ASAP3: variants seen among roughly 807,000 people sequenced by gnomAD.
ASAP3 encodes arf-GAP with SH3 domain, ANK repeat and PH domain-containing protein 3.
In ASAP3, 85 loss-of-function variants were observed where a neutral mutation model predicts 118.2. That is an observed-to-expected ratio of 0.72 (90% CI 0.60 to 0.86). The LOEUF (loss-of-function observed/expected upper bound fraction) is 0.86. Among genes scored for constraint, ASAP3 ranks in the 40% least tolerant of loss-of-function variants. The pLI is 0.00. For synonymous variants in ASAP3, 432 were observed against 477.4 expected (o/e 0.90, Z 1.24); for missense variants, 1,026 against 1,175.0 (o/e 0.87, Z 1.85).
chr1:23,447,548 C>G (rs1641088605), intron 5 of ASAP3, among the ~76,000 whole-genome samples: 1 of 152,098 alleles, frequency 6.6e-6, no homozygotes. Context: ...TAAGGGGGAA[C>G]CACTGTAATG....
At chr1:23,447,160 A>AC in intron 5 of ASAP3, among the ~76,000 whole-genome samples, 1 of 152,206 alleles carries the variant, frequency 6.6e-6, no homozygotes, top group Non-Finnish European at 1.5e-5. Flanking sequence ...CAGGCCTTGG[A>AC]CCTGTACCAG....
intron 22 of ASAP3, 103 bp downstream of exon 22, chr1:23,432,974 T>A: frequency 7.5e-7 from 1 of 1,337,034 alleles, no homozygotes; most frequent in East Asian, 2.4e-5. Context: ...GAGGTCATCA[T>A]AAGGATAGTA....
intron 5 of ASAP3, among the ~76,000 whole-genome samples, chr1:23,446,899 G>A (rs1641063184): frequency 6.6e-6 from 1 of 152,062 alleles, no homozygotes; most frequent in African/African-American, 2.4e-5. Flanking sequence ...TGGTTTCATG[G>A]AAGACAATAT....
intron 1 of ASAP3, among the ~76,000 whole-genome samples, chr1:23,478,003 A>C (rs1025598292): frequency 6.6e-6 from 1 of 152,172 alleles, no homozygotes; most frequent in Non-Finnish European, 1.5e-5. Flanking sequence ...CCTGGCATGG[A>C]GCAGTCCCCC....
intron 7 of ASAP3, 77 bp from the exon 8 acceptor site, chr1:23,441,807 C>T: frequency 6.6e-7 from 1 of 1,508,328 alleles, no homozygotes; most frequent in Non-Finnish European, 9.2e-7. Context: ...GTGGGAGAAG[C>T]TGCCGTAAGG....
chr1:23,483,839 G>A (rs769989394), intron 1 of ASAP3, among the ~76,000 whole-genome samples, 166 bp downstream of exon 1: 3 of 152,154 alleles, frequency 2.0e-5, no homozygotes, highest in East Asian at 1.9e-4. Context: ...CCGCCTCGAC[G>A]GTGAGGACGC....
At chr1:23,439,032 C>T (rs761734145) in intron 11 of ASAP3, 129 bp downstream of exon 11, 32 of 1,240,626 alleles carry the variant, frequency 2.6e-5, no homozygotes, top group Middle Eastern at 2.1e-4. Flanking sequence ...TCCTCCCAAA[C>T]GGGTCTCCAG....
intron 1 of ASAP3, among the ~76,000 whole-genome samples, chr1:23,481,014 C>G (rs1642288445): frequency 6.6e-6 from 1 of 152,158 alleles, no homozygotes; most frequent in Non-Finnish European, 1.5e-5. Context: ...GGAGGACAGA[C>G]AGATGGACTT....
intron 1 of ASAP3, among the ~76,000 whole-genome samples, chr1:23,466,006 G>A (rs1443680651): frequency 6.6e-6 from 1 of 152,210 alleles, no homozygotes; most frequent in Non-Finnish European, 1.5e-5. Flanking sequence ...GCAGGGCACA[G>A]AGGGAGATCT....
Position 23,437,587 on chromosome 1 carries a change from G to C in ASAP3, c.1103-115C>G, listed in dbSNP as rs542922445. On this transcript the variant is annotated intron_variant, in intron 12 of 24. Transcript: ENST00000336689. The surrounding 1 kb of genome is among the most constrained non-coding windows in gnomAD (Gnocchi z 6.1). ...CATGGAGATGTGTCCCTGACAAGTC[G>C]GACTCTCAAGCTAGGAGTGGGAAGG... 9 of 1,296,282 alleles carry C rather than the reference G, an allele frequency of 6.9e-6. No individual in the cohort carries two copies. The African/African-American group carries it at 1.3e-4, about 19-fold the overall frequency. 80.3% of individuals were successfully genotyped at this position (1,296,282 alleles called of 1,614,324 possible).
chr1:23,442,753 C>T (rs1483638285), intron 5 of ASAP3, 141 bp from the exon 6 acceptor site: 6 of 1,293,732 alleles, frequency 4.6e-6, no homozygotes, highest in African/African-American at 3.0e-5. Flanking sequence ...GTACAATGAA[C>T]AAGACAGTTT....
intron 1 of ASAP3, among the ~76,000 whole-genome samples, chr1:23,481,686 T>A (rs779095180): frequency 6.6e-6 from 1 of 152,242 alleles, no homozygotes; most frequent in Non-Finnish European, 1.5e-5. Context: ...GAGCCTGCTG[T>A]GGCCTCCAGA....
chr1:23,435,769 G>A lies in ASAP3; in HGVS notation c.1749+82C>T, dbSNP rs778671653. On this transcript the variant is annotated intron_variant, in intron 17 of 24. Transcript: ENST00000336689. ...AGCAGATGTCAGAGGTGGGGTGGAG[G>A]GGAGTAACAGCTGGTCCTGGAGAAG... 7 of 1,489,336 alleles carry A rather than the reference G, an allele frequency of 4.7e-6. No homozygotes were observed. The Admixed American group carries it at 5.0e-5, about 11-fold the overall frequency. The allele number at this position is 1,489,336 out of a possible 1,614,324, so 92.3% of individuals were successfully genotyped here. A position where few individuals can be genotyped will look rare whatever the true frequency, so the allele number is the denominator to read the frequency against.
intron 1 of ASAP3, among the ~76,000 whole-genome samples, chr1:23,471,873 G>C (rs1641971212): frequency 6.6e-6 from 1 of 152,164 alleles, no homozygotes; most frequent in African/African-American, 2.4e-5. Flanking sequence ...GCTAATATCT[G>C]AAAAGTGCTT....
chr1:23,473,759 T>A (rs769305051), intron 1 of ASAP3, among the ~76,000 whole-genome samples: 48 of 152,044 alleles, frequency 3.2e-4, no homozygotes, highest in Non-Finnish European at 5.7e-4. Flanking sequence ...TTGACAACTC[T>A]GGGAAGACCC....
At position 23,435,930 on chromosome 1, in the gene ASAP3, T is replaced by C. The variant is rs867114979; in HGVS notation, c.1670A>G (p.Asn557Ser). The C allele has an allele frequency of 6.2e-7, 1 of 1,614,268 alleles. No individual in the cohort carries two copies. Residue 557 changes from asparagine to serine, a missense_variant, in exon 17 of 25, where the codon AAC becomes AGC. By Grantham distance (46) the Asn-to-Ser change is conservative (BLOSUM62 1). Coordinates refer to ENST00000336689, the MANE Select transcript of ASAP3 (RefSeq NM_017707.4). ...CTCCAGTACCGACAGGAGGTCCCTG[T>C]TGCAAATGGCTGTCCAGAGTCGCTG... is the stretch of plus-strand genomic sequence containing the variant. ...EPQRLWTAICNRDLLSVLEAF... is the reference protein window; with the variant it reads ...EPQRLWTAICSRDLLSVLEAF...
At chr1:23,476,977 C>A (rs550048820) in intron 1 of ASAP3, among the ~76,000 whole-genome samples, 1 of 151,734 alleles carries the variant, frequency 6.6e-6, no homozygotes, top group South Asian at 2.1e-4. Context: ...AGTTTCTATT[C>A]TCATAGAAGT....
intron 1 of ASAP3, among the ~76,000 whole-genome samples, chr1:23,478,737 A>C: frequency 6.6e-6 from 1 of 152,004 alleles, no homozygotes; most frequent in Non-Finnish European, 1.5e-5. Context: ...TCCAGCCTGC[A>C]TGACAGAGTG....
At chr1:23,482,548 C>A (rs1390191211) in intron 1 of ASAP3, among the ~76,000 whole-genome samples, 2 of 152,176 alleles carry the variant, frequency 1.3e-5, no homozygotes, top group East Asian at 3.9e-4. Context: ...GCTTTATATG[C>A]ATTGTCTCAT....
Sources: allele counts gnomAD v4.1 joint callset (sites outside exome capture counted in the v4.1 genomes callset), GRCh38; gene constraint gnomAD v4.1.1; non-coding constraint Gnocchi (gnomAD v3.1); transcripts MANE v1.5; gene names NCBI Gene and HGNC (gene_info 2026-07-23, HGNC 2026-07-21).